MRPL36: variants seen among roughly 807,000 people sequenced by gnomAD.
MRPL36 encodes mitochondrial ribosomal protein L36.
In MRPL36, 1 loss-of-function variant was observed where a neutral mutation model predicts 2.8. The observed-to-expected ratio is 0.36, with a 90% CI of 0.13 to 1.69. The LOEUF (loss-of-function observed/expected upper bound fraction) is 1.69. MRPL36 is among the 40% of genes most tolerant of loss of function. The pLI is 0.35. For missense variants in MRPL36, 148 were observed against 132.7 expected (o/e 1.12, Z -0.57); for synonymous variants, 68 against 54.8 (o/e 1.24, Z -1.06).
upstream of MRPL36, chr5:1,801,316 C>G (rs1034581057): frequency 1.3e-5 from 20 of 1,495,268 alleles, no homozygotes; most frequent in African/African-American, 2.6e-4. Context: ...CTCCCCGCCC[C>G]CAGGGCGAAA....
At chr5:1,800,004 C>T (rs375476515), upstream of MRPL36, 5 of 152,076 alleles carry the variant, frequency 3.3e-5, no homozygotes, top group African/African-American at 1.2e-4. Context: ...CCGGGATCGT[C>T]GTGCTGTTTG....
chr5:1,799,932 G>GCGA (rs1385402575), upstream of MRPL36: 8 of 150,632 alleles, frequency 5.3e-5, no homozygotes, highest in Non-Finnish European at 7.4e-5. Context: ...AGACGCAGCA[G>GCGA]CGAGTGCGCA....
At chr5:1,801,412 C>T, upstream of MRPL36, 1 of 1,605,444 alleles carries the variant, frequency 6.2e-7, no homozygotes, top group Non-Finnish European at 8.5e-7. Flanking sequence ...AGGCCAGCGG[C>T]GCAAAATGGC....
chr5:1,801,257 C>CCTGAAT (rs1345021630), upstream of MRPL36: 27 of 1,068,220 alleles, frequency 2.5e-5, no homozygotes, highest in Non-Finnish European at 3.4e-5. Flanking sequence ...AAACGGGTGA[C>CCTGAAT]CACCTGAATC....
At position 1,798,898 on chromosome 5, in the gene MRPL36, A is replaced by T. The variant is rs1439813769; in HGVS notation, c.38T>A (p.Leu13Gln). 1 of 1,605,386 alleles carries T rather than the reference A, an allele frequency of 6.2e-7. No homozygotes were observed. ...NLFIRKMVNPLLYLSRHTVKP... is the reference protein window; with the variant it reads ...NLFIRKMVNPQLYLSRHTVKP... ...CACCGTGTGACGACTGAGATAGAGC[A>T]GAGGGTTCACCATTTTCCTTATAAA... is the stretch of plus-strand genomic sequence containing the variant. Residue 13 changes from leucine to glutamine, a missense_variant, in exon 2 of 2, where the codon CTG becomes CAG. Leu to Gln is a moderately radical substitution (Grantham distance 113, BLOSUM62 -2). Transcript: ENST00000505059.
chr5:1,800,242 A>G (rs562529500), upstream of MRPL36, among the ~76,000 whole-genome samples: 2 of 152,292 alleles, frequency 1.3e-5, no homozygotes, highest in South Asian at 4.1e-4. Context: ...TTTCCCCAAC[A>G]TTATGAAAAA....
chr5:1,801,390 G>T (rs1734034058), upstream of MRPL36: 2 of 1,602,422 alleles, frequency 1.2e-6, no homozygotes, highest in African/African-American at 1.3e-5. Context: ...GCGGGACGTT[G>T]CGCCGGGTCA....
upstream of MRPL36, chr5:1,801,401 A>G (rs758618301): frequency 6.2e-7 from 1 of 1,604,492 alleles, no homozygotes; most frequent in Non-Finnish European, 8.5e-7. Flanking sequence ...CGCCGGGTCA[A>G]AGGCCAGCGG....
chr5:1,798,784 A>C lies in MRPL36; in HGVS notation c.152T>G (p.Leu51Arg). The change falls in exon 2 of 2, where the codon CTT becomes CGT. Residue 51 changes from leucine to arginine, a missense_variant. Leu to Arg is a moderately radical substitution (Grantham distance 102). Transcript: ENST00000505059. The stretch of plus-strand genomic sequence containing the variant: ...ATGGGGCAGGAGGCCGGGTGAGAGA[A>C]GTGAGCGCACTGCTGCCCCGGGTTC... ...AVEPGAAVRS[L>R]LSPGLLPHLL... The C allele has an allele frequency of 6.2e-7, 1 of 1,614,070 alleles. No homozygotes were observed. Among genetic ancestry groups the C allele is most frequent in the South Asian group, 1.1e-5 (1 of 91,088 alleles).
chr5:1,799,629 A>T (rs61525327), intron 1 of MRPL36, 163 bp downstream of exon 1: 1 of 80,906 alleles, frequency 1.2e-5, no homozygotes, highest in African/African-American at 3.2e-5. Context: ...CGCACCCCCC[A>T]ACCCTGGCCC....
upstream of MRPL36, among the ~76,000 whole-genome samples, chr5:1,800,098 T>G (rs1001959970): frequency 6.6e-6 from 1 of 152,170 alleles, no homozygotes; most frequent in African/African-American, 2.4e-5. Context: ...CACTTAGGCC[T>G]TAGAAAAAAC....
Position 1,798,446 on chromosome 5 carries a change from T to G in MRPL36, c.*178A>C, listed in dbSNP as rs1383879784. ...TAGTTGGAACGTTTTGGAAATAAGA[T>G]AACGCAATGTCTTCTATAGTTACTC... On this transcript the variant is annotated 3_prime_UTR_variant, in exon 2 of 2. Coordinates refer to ENST00000505059, the MANE Select transcript of MRPL36 (RefSeq NM_032479.4). 1.0e-5 allele frequency: 6 copies of G among 594,322 alleles called. No homozygotes were observed. The highest frequency in any genetic ancestry group is 3.8e-4 in the Middle Eastern group (1 of 2,600). 36.8% of individuals were successfully genotyped at this position (594,322 alleles called of 1,614,324 possible).
chr5:1,801,305 G>GCT, upstream of MRPL36: 1 of 1,352,942 alleles, frequency 7.4e-7, no homozygotes, highest in Non-Finnish European at 9.7e-7. Flanking sequence ...CCCGACCCGC[G>GCT]CTCCCCGCCC....
intron 1 of MRPL36, 136 bp from the exon 2 acceptor site, chr5:1,799,083 C>A: frequency 1.5e-6 from 1 of 655,970 alleles, no homozygotes; most frequent in Non-Finnish European, 2.6e-6. Context: ...ATACCAGCTG[C>A]AGCCTCGACC....
upstream of MRPL36, chr5:1,801,425 C>T (rs762298312): frequency 3.7e-6 from 6 of 1,605,048 alleles, no homozygotes; most frequent in African/African-American, 1.3e-5. Flanking sequence ...AAAATGGCGG[C>T]GGCGATGACC....
Position 1,798,692 on chromosome 5 carries a change from C to T in MRPL36, c.244G>A (p.Val82Met), listed in dbSNP as rs916804294. 3 of 1,613,780 alleles carry T rather than the reference C, an allele frequency of 1.9e-6. No homozygotes were observed. The highest frequency in any genetic ancestry group is 1.7e-5 in the Admixed American group (1 of 59,990). The change falls in exon 2 of 2, where the codon GTG (valine) becomes ATG (methionine). Residue 82 changes from valine (V) to methionine (M), a missense_variant. Coordinates refer to ENST00000505059, the MANE Select transcript of MRPL36 (RefSeq NM_032479.4). ...LKKRCKDCYL[V>M]KRRGRWYVYC... is the part of the protein sequence containing the mutation. ...ACGTACCACCGACCCCGCCTCTTCA[C>T]CAGGTAACAGTCCTTGCAGCGCTTC...
chr5:1,799,120 C>T (rs1733942853), intron 1 of MRPL36, 173 bp from the exon 2 acceptor site: 1 of 562,850 alleles, frequency 1.8e-6, no homozygotes. Flanking sequence ...CTTAATCAGC[C>T]AAGTGTGCCA....
At chr5:1,799,082 G>A in intron 1 of MRPL36, 135 bp from the exon 2 acceptor site, 2 of 669,482 alleles carry the variant, frequency 3.0e-6, no homozygotes, top group Middle Eastern at 3.5e-4. Flanking sequence ...CATACCAGCT[G>A]CAGCCTCGAC....
chr5:1,798,877 G>A lies in MRPL36; in HGVS notation c.59C>T (p.Thr20Met), dbSNP rs145433215. 9.3e-6 allele frequency: 15 copies of A among 1,612,276 alleles called. No homozygotes were observed. The African/African-American group carries it at 1.7e-4, about 19-fold the overall frequency. Residue 20 changes from threonine (T) to methionine (M), a missense_variant, in exon 2 of 2, where the codon ACG becomes ATG. Physicochemically the swap from Thr to Met is moderately conservative, Grantham distance 81. Coordinates refer to ENST00000505059, the MANE Select transcript of MRPL36 (RefSeq NM_032479.4). ...VNPLLYLSRH[T>M]VKPRALSTFL... ...TGTGGAGAGGGCTCGAGGCTTCACCGTGTGACGACTGAGATAGAGCAGAGG... is the reference window on the plus strand; with the variant it reads ...TGTGGAGAGGGCTCGAGGCTTCACCATGTGACGACTGAGATAGAGCAGAGG...
Sources: gnomAD v4.1 joint callset for allele counts (sites outside exome capture counted in the v4.1 genomes callset) on GRCh38, gnomAD v4.1.1 for gene constraint, MANE v1.5 for transcripts, NCBI Gene and HGNC (gene_info 2026-07-23, HGNC 2026-07-21) for gene names.